The following CNGB3 variants were observed in gnomAD, a reference collection of about 807,000 sequenced individuals.
The protein encoded by CNGB3 is cyclic nucleotide gated channel subunit beta 3.
In CNGB3, 86 loss-of-function variants were observed where a neutral mutation model predicts 92.8. That is an observed-to-expected ratio of 0.93 (90% CI 0.78 to 1.11). The LOEUF is 1.11. CNGB3 is among the 50% of genes least tolerant of loss of function. The pLI is 0.00. For missense variants in CNGB3, 1,026 were observed against 956.8 expected, an observed-to-expected ratio of 1.07 and a Z score of -0.95; for synonymous variants, 333 against 332.7, an observed-to-expected ratio of 1.00 and a Z score of -0.01.
intron 2 of CNGB3, among the ~76,000 whole-genome samples, chr8:86,730,005 CAGAT>C (rs2131674944): frequency 6.6e-6 from 1 of 152,316 alleles, no homozygotes; most frequent in East Asian, 1.9e-4. Flanking sequence ...GTACCTGTGG[CAGAT>C]AGTGAAATCT....
At position 86,629,072 on chromosome 8, in the gene CNGB3, C is replaced by A. The variant is rs144689967; in HGVS notation, c.1327G>T (p.Asp443Tyr). Residue 443 changes from aspartate (D) to tyrosine (Y), a missense_variant, in exon 12 of 18, where the codon GAT becomes TAT. Asp to Tyr is a radical substitution (Grantham distance 160, BLOSUM62 -3). Transcript: ENST00000320005. ...VFSSLIGQMR[D>Y]VIGAATANQN... ...TTGGCTGTAGCTGCTCCAATCACAT[C>A]TCTCATCTAAAACCACAAATATGGT... 5.6e-6 allele frequency: 9 copies of A among 1,613,894 alleles called. No homozygotes were observed. Among genetic ancestry groups the A allele is most frequent in the African/African-American group, 1.3e-5 (1 of 74,924 alleles).
At chr8:86,724,709 A>C (rs563037821) in intron 3 of CNGB3, among the ~76,000 whole-genome samples, 10 of 152,130 alleles carry the variant, frequency 6.6e-5, no homozygotes, top group Non-Finnish European at 1.0e-4. Flanking sequence ...TGTCAGGGAA[A>C]GCCTTACAAA....
intron 3 of CNGB3, chr8:86,707,405 C>T (rs1824670152): frequency 6.6e-6 from 1 of 152,154 alleles, no homozygotes; most frequent in Admixed American, 6.6e-5. Flanking sequence ...ACAGAGTGGT[C>T]AGAAAAGGCC....
intron 5 of CNGB3, 39 bp downstream of exon 5, chr8:86,667,980 C>G: frequency 1.2e-5 from 19 of 1,611,342 alleles, no homozygotes; most frequent in Non-Finnish European, 1.6e-5. Context: ...TTGGTGATAG[C>G]CAGCCCTCCC....
chr8:86,659,416 C>T, intron 6 of CNGB3: 2 of 695,276 alleles, frequency 2.9e-6, no homozygotes, highest in South Asian at 1.5e-5. Context: ...GCTTCTTTTG[C>T]AGATCCTCCA....
At position 86,574,830 on chromosome 8, in the gene CNGB3, T is replaced by C. The variant is rs1054753026; in HGVS notation, c.*974A>G. On this transcript the variant is annotated 3_prime_UTR_variant, in exon 18 of 18. Transcript: ENST00000320005. ...ACTTCCTAAAGTGCCCTTAATTAAC[T>C]TGGAGATTTTGTAAACAGCTATACA... is the stretch of plus-strand genomic sequence containing the variant. 5.3e-5 allele frequency: 8 copies of C among 152,308 alleles called. No homozygotes were observed. Among genetic ancestry groups the C allele is most frequent in the African/African-American group, 1.9e-4 (8 of 41,570 alleles). The allele number at this position is 152,308 out of a possible 1,614,324, so 9.4% of individuals were successfully genotyped here. A position where few individuals can be genotyped will look rare whatever the true frequency, so the allele number is the denominator to read the frequency against.
intron 13 of CNGB3, among the ~76,000 whole-genome samples, chr8:86,618,929 T>A (rs1185144852): frequency 1.3e-5 from 2 of 152,194 alleles, no homozygotes; most frequent in East Asian, 3.9e-4. Context: ...AACACTTCCT[T>A]CTCATCCTTC....
intron 11 of CNGB3, 127 bp from the exon 12 acceptor site, chr8:86,629,205 C>T (rs1822911996): frequency 2.6e-6 from 3 of 1,144,188 alleles, no homozygotes; most frequent in African/African-American, 1.5e-5. Context: ...TTCATTCATT[C>T]ATTTTTATTT....
At chr8:86,635,144 TGAA>T (rs1823038204) in intron 10 of CNGB3, among the ~76,000 whole-genome samples, 1 of 152,096 alleles carries the variant, frequency 6.6e-6, no homozygotes, top group Admixed American at 6.6e-5. Context: ...AGAACCACCT[TGAA>T]GAAGTCTGGA....
intron 13 of CNGB3, among the ~76,000 whole-genome samples, chr8:86,624,008 A>G (rs1822793962): frequency 6.6e-6 from 1 of 152,114 alleles, no homozygotes; most frequent in Non-Finnish European, 1.5e-5. Context: ...TGCCTTCTAC[A>G]TTTACTTCCT....
At chr8:86,721,503 A>T (rs565078205) in intron 3 of CNGB3, among the ~76,000 whole-genome samples, 1 of 152,232 alleles carries the variant, frequency 6.6e-6, no homozygotes, top group South Asian at 2.1e-4. Context: ...TCAGTAAAGG[A>T]CTTACTCATG....
At chr8:86,602,891 G>A (rs1362211381) in intron 15 of CNGB3, among the ~76,000 whole-genome samples, 1 of 152,114 alleles carries the variant, frequency 6.6e-6, no homozygotes, top group East Asian at 1.9e-4. Flanking sequence ...TTCCTATCAT[G>A]GCGTAAAAGA....
chr8:86,660,704 A>G (rs534160628), intron 6 of CNGB3: 1 of 529,460 alleles, frequency 1.9e-6, no homozygotes, highest in South Asian at 1.4e-5. Flanking sequence ...GAGAAGTTCC[A>G]TACACAGTGC....
intron 15 of CNGB3, chr8:86,594,042 CA>C: frequency 2.8e-6 from 1 of 362,740 alleles, no homozygotes; most frequent in Non-Finnish European, 5.4e-6. Flanking sequence ...CTGCCAAGCC[CA>C]CAGTAAGCTA....
At chr8:86,596,520 C>T (rs1439363795) in intron 15 of CNGB3, among the ~76,000 whole-genome samples, 1 of 152,158 alleles carries the variant, frequency 6.6e-6, no homozygotes, top group African/African-American at 2.4e-5. Context: ...AATGAATGTG[C>T]ATTTGTACAT....
intron 6 of CNGB3, among the ~76,000 whole-genome samples, chr8:86,655,208 T>C (rs1367821122): frequency 6.6e-6 from 1 of 152,246 alleles, no homozygotes; most frequent in Non-Finnish European, 1.5e-5. Context: ...TTTCTGGCAC[T>C]GCTGTCTCTG....
intron 15 of CNGB3, among the ~76,000 whole-genome samples, chr8:86,590,358 A>G (rs1425034381): frequency 1.3e-5 from 2 of 151,932 alleles, no homozygotes; most frequent in Admixed American, 6.6e-5. Flanking sequence ...TAATAGTGTT[A>G]TGTGTGAATT....
intron 15 of CNGB3, among the ~76,000 whole-genome samples, chr8:86,591,635 T>C (rs1259588713): frequency 6.6e-6 from 1 of 152,170 alleles, no homozygotes; most frequent in Non-Finnish European, 1.5e-5. Flanking sequence ...GGAGGGTGCC[T>C]CCCAGTTAGG....
intron 14 of CNGB3, among the ~76,000 whole-genome samples, chr8:86,605,132 G>A (rs928498082): frequency 2.0e-5 from 3 of 152,016 alleles, no homozygotes; most frequent in African/African-American, 7.3e-5. Flanking sequence ...GATTTCTCTC[G>A]TGTTTGCCCA....
Sources: allele counts gnomAD v4.1 joint callset (sites outside exome capture counted in the v4.1 genomes callset), GRCh38; gene constraint gnomAD v4.1.1; transcripts MANE v1.5; gene names NCBI Gene and HGNC (gene_info 2026-07-23, HGNC 2026-07-21).